Variants in CCDC178 observed in about 807,000 individuals in gnomAD.
The protein encoded by CCDC178 is coiled-coil domain-containing protein 178.
CCDC178 carries 126 observed loss-of-function variants against 117.4 expected under a neutral mutation model. The ratio of observed to expected loss-of-function variants is 1.07; its 90% confidence interval spans 0.93 to 1.24. CCDC178 has a LOEUF of 1.24. Ranked by LOEUF, CCDC178 falls within the 50% of genes most tolerant of loss-of-function variation. The pLI, the probability that CCDC178 is intolerant of heterozygous loss-of-function variation, is 0.00. For missense variants in CCDC178, 1,030 were observed against 986.9 expected (o/e 1.04, Z -0.59); for synonymous variants, 283 against 313.4 (o/e 0.90, Z 1.02).
chr18:33,024,676 C>T (rs2056188410), intron 21 of CCDC178, among the ~76,000 whole-genome samples: 1 of 151,516 alleles, frequency 6.6e-6, no homozygotes, highest in African/African-American at 2.4e-5. Context: ...TGGGGTGTTG[C>T]TCTGTCACCC....
At chr18:33,389,128 G>A (rs948432810) in intron 5 of CCDC178, among the ~76,000 whole-genome samples, 1 of 151,996 alleles carries the variant, frequency 6.6e-6, no homozygotes, top group Non-Finnish European at 1.5e-5. Flanking sequence ...TCCTGCACAT[G>A]TACCCTGGAA....
At chr18:33,284,562 ACAGTGAC>A (rs1453177717) in intron 12 of CCDC178, among the ~76,000 whole-genome samples, 1 of 152,180 alleles carries the variant, frequency 6.6e-6, no homozygotes, top group Non-Finnish European at 1.5e-5. Context: ...AAAAAAATGA[ACAGTGAC>A]TACATCTGGA....
At chr18:33,015,261 A>G (rs1299037285) in intron 21 of CCDC178, among the ~76,000 whole-genome samples, 1 of 148,010 alleles carries the variant, frequency 6.8e-6, no homozygotes, top group African/African-American at 2.5e-5. Flanking sequence ...GTTTCAAAAG[A>G]AGAAAAAAAA....
intron 20 of CCDC178, among the ~76,000 whole-genome samples, chr18:33,157,768 A>G (rs535610384): frequency 6.6e-6 from 1 of 152,154 alleles, no homozygotes; most frequent in Non-Finnish European, 1.5e-5. Context: ...TAAATATTCT[A>G]TACCTTTCAG....
chr18:32,999,328 G>A (rs28822682), intron 21 of CCDC178, among the ~76,000 whole-genome samples: 20,918 of 152,072 alleles, frequency 0.14, 1,959 homozygotes, highest in African/African-American at 0.27. Context: ...GTAGAATAGA[G>A]CACCAGATAG....
chr18:32,978,203 ATTTTTTTTTTTT>A (rs34863142), intron 21 of CCDC178, among the ~76,000 whole-genome samples: 5 of 90,022 alleles, frequency 5.6e-5, no homozygotes, highest in African/African-American at 1.6e-4. Flanking sequence ...CTCAAAAAAG[ATTTTTTTTTTTT>A]TTTTTTTTTT....
chr18:33,275,306 T>G (rs1192822354), intron 12 of CCDC178, among the ~76,000 whole-genome samples: 1 of 151,776 alleles, frequency 6.6e-6, no homozygotes, highest in African/African-American at 2.4e-5. Flanking sequence ...TTCAGAAATA[T>G]TTATTTTGAA....
chr18:33,234,306 C>A (rs1307012804), intron 15 of CCDC178, among the ~76,000 whole-genome samples: 1 of 152,080 alleles, frequency 6.6e-6, no homozygotes, highest in African/African-American at 2.4e-5. Context: ...CCCACTAATA[C>A]AGATTACACA....
At chr18:33,084,530 C>T (rs963907066) in intron 21 of CCDC178, among the ~76,000 whole-genome samples, 8 of 151,940 alleles carry the variant, frequency 5.3e-5, no homozygotes, top group African/African-American at 1.5e-4. Flanking sequence ...TTCGGATTAA[C>T]GGCCGAGCAC....
chr18:33,433,675 G>A (rs1348751987), intron 2 of CCDC178, among the ~76,000 whole-genome samples: 1 of 152,168 alleles, frequency 6.6e-6, no homozygotes. Context: ...GCTTTAAGCT[G>A]TTAGTTGAGA....
chr18:33,341,074 G>C (rs2062811286), intron 9 of CCDC178, among the ~76,000 whole-genome samples: 1 of 152,186 alleles, frequency 6.6e-6, no homozygotes, highest in Non-Finnish European at 1.5e-5. Flanking sequence ...GCTGTACCCT[G>C]CAAAGCCACA....
At chr18:33,357,599 C>T (rs554420520) in intron 6 of CCDC178, among the ~76,000 whole-genome samples, 3 of 152,144 alleles carry the variant, frequency 2.0e-5, no homozygotes, top group South Asian at 4.1e-4. Flanking sequence ...TAATATTATG[C>T]CTTTTCTGGA....
intron 10 of CCDC178, among the ~76,000 whole-genome samples, chr18:33,330,629 G>A (rs189915636): frequency 2.5e-4 from 38 of 152,244 alleles, no homozygotes; most frequent in Non-Finnish European, 8.8e-5. Flanking sequence ...CGAGGAAGAT[G>A]GGGGAGAGAG....
intron 20 of CCDC178, among the ~76,000 whole-genome samples, chr18:33,159,090 G>A (rs1303771245): frequency 4.6e-5 from 7 of 151,886 alleles, no homozygotes; most frequent in Non-Finnish European, 1.0e-4. Context: ...TCTGCAATAC[G>A]GAATAATAGA....
At chr18:33,217,246 C>T (rs939187703) in intron 18 of CCDC178, among the ~76,000 whole-genome samples, 1 of 151,948 alleles carries the variant, frequency 6.6e-6, no homozygotes, top group Non-Finnish European at 1.5e-5. Context: ...TAGAGAGACT[C>T]ATAAAGTATC....
At chr18:33,405,794 G>C (rs1353127931) in intron 3 of CCDC178, among the ~76,000 whole-genome samples, 1 of 152,034 alleles carries the variant, frequency 6.6e-6, no homozygotes, top group Non-Finnish European at 1.5e-5. Context: ...TAATATCGAA[G>C]GATGGGAAAA....
intron 12 of CCDC178, among the ~76,000 whole-genome samples, chr18:33,274,660 T>C (rs1054750277): frequency 2.0e-5 from 3 of 152,064 alleles, no homozygotes; most frequent in Non-Finnish European, 2.9e-5. Context: ...CTCAGATGCA[T>C]AAAATTATTT....
chr18:33,382,101 A>C lies in CCDC178; in HGVS notation c.208+7439T>G, dbSNP rs569080362. The stretch of plus-strand genomic sequence containing the variant: ...ATTTCCACTGGACATACACAGATGA[A>C]AGAATCAAAATGGTAACTTATTTCA... On this transcript the variant is annotated intron_variant, in intron 5 of 22. Transcript: ENST00000383096. Among the ~76,000 whole-genome samples the C allele has an allele frequency of 2.0e-5, 3 of 152,318 alleles. No individual in the cohort carries two copies. In the South Asian group the frequency reaches 6.2e-4, roughly 32 times the overall value.
intron 20 of CCDC178, among the ~76,000 whole-genome samples, chr18:33,206,617 GCTTTTCAACATTGA>G (rs1201339456): frequency 1.3e-5 from 2 of 151,764 alleles, no homozygotes; most frequent in Non-Finnish European, 2.9e-5. Context: ...GAAAAATATA[GCTTTTCAACATTGA>G]CTCAAAAGGA....
Sources: allele counts gnomAD v4.1 joint callset (sites outside exome capture counted in the v4.1 genomes callset), GRCh38; gene constraint gnomAD v4.1.1; transcripts MANE v1.5; gene names NCBI Gene and HGNC (gene_info 2026-07-23, HGNC 2026-07-21).